GUCY2F: variants seen among roughly 807,000 people sequenced by gnomAD.
The protein encoded by GUCY2F is guanylate cyclase 2F, retinal, also known as retinal guanylyl cyclase 2.
A neutral mutation model predicts 73.1 loss-of-function variants in GUCY2F; 61 were observed. The observed-to-expected ratio is 0.83, with a 90% CI of 0.68 to 1.03. The LOEUF is 1.03. GUCY2F is among the 50% of genes least tolerant of loss of function. The pLI, the probability that GUCY2F is intolerant of heterozygous loss-of-function variation, is 0.00. For synonymous variants in GUCY2F, 331 were observed against 307.8 expected (o/e 1.08, Z -0.79); for missense variants, 912 against 854.3 (o/e 1.07, Z -0.84).
intron 8 of GUCY2F, among the ~76,000 whole-genome samples, chrX:109,421,502 A>G (rs989075242): frequency 3.6e-5 from 4 of 111,728 alleles, no homozygotes; most frequent in Non-Finnish European, 7.6e-5. Context: ...CACAAATACT[A>G]TATGATTACA....
intron 11 of GUCY2F, 89 bp from the exon 12 acceptor site, chrX:109,395,578 G>A (rs1267286881): frequency 1.9e-5 from 14 of 743,547 alleles, no homozygotes; most frequent in Admixed American, 4.9e-5. Context: ...GCCAAGAAGG[G>A]GGTAGGTTAG....
At position 109,392,103 on chromosome X, in the gene GUCY2F, T is replaced by C. The variant is rs142241116; in HGVS notation, c.2589A>G (p.Pro863=). Residue 863 remains proline (P), a splice_region_variant and synonymous_variant, in exon 14 of 20, where the codon CCA becomes CCG. Coordinates refer to ENST00000218006, the MANE Select transcript of GUCY2F (RefSeq NM_001522.3). The part of the protein sequence containing the change: ...TEKLLTQMLP[P]SVAESLKKGC... ...CCTTTTTGAGAGATTCAGCAACTGA[T>C]CTGAAAAGCAGACACAGCTATTCCT... is the stretch of plus-strand genomic sequence containing the variant. The C allele has an allele frequency of 8.4e-7, 1 of 1,187,387 alleles. No individual in the cohort carries two copies. The highest frequency in any genetic ancestry group is 1.8e-5 in the African/African-American group (1 of 56,593).
intron 8 of GUCY2F, among the ~76,000 whole-genome samples, chrX:109,411,453 C>G (rs1053995112): frequency 1.8e-5 from 2 of 111,117 alleles, no homozygotes; most frequent in African/African-American, 6.6e-5. Context: ...CATACTGTTG[C>G]TAGTTTCCAG....
chrX:109,476,955 A>C lies in GUCY2F; in HGVS notation c.-85-934T>G, dbSNP rs898881157. The stretch of plus-strand genomic sequence containing the variant: ...CAGACAAGGCAAGGGCCAGATCACC[A>C]AGATATGCCATGATTGAATACTGTA... On this transcript the variant is annotated intron_variant, in intron 1 of 19. Coordinates refer to ENST00000218006, the MANE Select transcript of GUCY2F (RefSeq NM_001522.3). 4.5e-5 allele frequency among the ~76,000 whole-genome samples: 5 copies of C among 110,895 alleles called. No homozygotes were observed. The Admixed American group carries it at 4.9e-4, about 11-fold the overall frequency.
chrX:109,476,168 CT>C, intron 1 of GUCY2F, 147 bp from the exon 2 acceptor site: 1 of 319,440 alleles, frequency 3.1e-6, no homozygotes, highest in South Asian at 7.6e-5. Context: ...AACTCCTCCT[CT>C]TCCTGTACCC....
chrX:109,418,955 A>T (rs1240300200), intron 8 of GUCY2F, among the ~76,000 whole-genome samples: 1 of 111,000 alleles, frequency 9.0e-6, no homozygotes, highest in Non-Finnish European at 1.9e-5. Flanking sequence ...TGATAAAGGA[A>T]TTTTTAAACA....
At position 109,388,518 on chromosome X, in the gene GUCY2F, G is replaced by A. The variant is rs201541871; in HGVS notation, c.2927C>T (p.Pro976Leu). The A allele has an allele frequency of 1.2e-5, 15 of 1,204,405 alleles. No individual in the cohort carries two copies. Among genetic ancestry groups the A allele is most frequent in the Admixed American group, 6.6e-5 (3 of 45,723 alleles). ...GTGAAGGCCAATTCGAATTCGGACC[G>A]GCACTTCTGGCATGTGCCGCATCTT... ...TFKMRHMPEV[P>L]VRIRIGLHSG... The change falls in exon 15 of 20, where the codon CCG becomes CTG. Residue 976 changes from proline (P) to leucine (L), a missense_variant. Physicochemically the swap from Pro to Leu is moderately conservative, Grantham distance 98. Transcript: ENST00000218006.
rs958365460 is a variant in GUCY2F at position 109,391,947 on chromosome X, G to C, written c.2745C>G (p.Leu915=). The change falls in exon 14 of 20, where the codon CTC becomes CTG. Residue 915 remains leucine (L), a synonymous_variant. Transcript: ENST00000218006. ...CATGACTGCCAATTATTGCATCAAA[G>C]AGTGTGTACAGGTCATTCAGAAGAT... ...VVDLLNDLYT[L]FDAIIGSHDV... 3.3e-6 allele frequency: 4 copies of C among 1,203,407 alleles called. No homozygotes were observed. The highest frequency in any genetic ancestry group is 1.8e-5 in the African/African-American group (1 of 56,903).
At chrX:109,375,475 G>T (rs1200326265) in intron 19 of GUCY2F, among the ~76,000 whole-genome samples, 3 of 111,763 alleles carry the variant, frequency 2.7e-5, no homozygotes, top group African/African-American at 9.7e-5. Flanking sequence ...CTCCAAGGTG[G>T]TCTTGTCAAC....
At chrX:109,401,073 G>A (rs1930828447) in intron 10 of GUCY2F, among the ~76,000 whole-genome samples, 1 of 111,945 alleles carries the variant, frequency 8.9e-6, no homozygotes. Flanking sequence ...GCACTTACAT[G>A]TATGTTGTTA....
chrX:109,393,533 T>C (rs1033927079), intron 12 of GUCY2F, among the ~76,000 whole-genome samples: 1 of 110,838 alleles, frequency 9.0e-6, no homozygotes, highest in African/African-American at 3.3e-5. Flanking sequence ...CAATGAGAGG[T>C]TCCTTGACCT....
chrX:109,406,609 A>G (rs903404344), intron 9 of GUCY2F, among the ~76,000 whole-genome samples: 26 of 110,938 alleles, frequency 2.3e-4, no homozygotes, highest in African/African-American at 8.2e-4. Flanking sequence ...TTGGGAAGGA[A>G]AGTGATATGG....
At chrX:109,386,025 C>T (rs1358386236) in intron 15 of GUCY2F, among the ~76,000 whole-genome samples, 1 of 110,993 alleles carries the variant, frequency 9.0e-6, no homozygotes, top group Non-Finnish European at 1.9e-5. Context: ...TGGTATCGAA[C>T]TCCTGAGCTC....
At chrX:109,439,495 G>A (rs1363832365) in intron 7 of GUCY2F, among the ~76,000 whole-genome samples, 1 of 110,021 alleles carries the variant, frequency 9.1e-6, no homozygotes, top group African/African-American at 3.3e-5. Context: ...TCTTCACATG[G>A]CAAGGCTGAG....
chrX:109,425,719 G>C (rs903007803), intron 8 of GUCY2F, among the ~76,000 whole-genome samples: 4 of 109,605 alleles, frequency 3.6e-5, no homozygotes, highest in Non-Finnish European at 7.6e-5. Context: ...TTAGGTGATG[G>C]GTGCACAAAA....
At chrX:109,471,592 C>A (rs113736739) in intron 2 of GUCY2F, among the ~76,000 whole-genome samples, 1 of 112,482 alleles carries the variant, frequency 8.9e-6, no homozygotes, top group Non-Finnish European at 1.9e-5. Context: ...CATAACCACA[C>A]ACAGCAGCCC....
intron 7 of GUCY2F, among the ~76,000 whole-genome samples, chrX:109,430,967 A>G (rs1931597383): frequency 9.0e-6 from 1 of 111,347 alleles, no homozygotes; most frequent in South Asian, 3.8e-4. Flanking sequence ...AATATTTTTT[A>G]TTTGAGTGCT....
chrX:109,431,220 T>C (rs58176973), intron 7 of GUCY2F, among the ~76,000 whole-genome samples: 3,696 of 111,474 alleles, frequency 0.033, 130 homozygotes, highest in African/African-American at 0.1. Flanking sequence ...AAAAAAAATA[T>C]CAATATAGAT....
chrX:109,403,836 G>A (rs1457190323), intron 10 of GUCY2F, among the ~76,000 whole-genome samples: 1 of 112,075 alleles, frequency 8.9e-6, no homozygotes, highest in Non-Finnish European at 1.9e-5. Flanking sequence ...TTGCTAGAAG[G>A]CCACAGTTCT....
Sources: gnomAD v4.1 joint callset for allele counts (sites outside exome capture counted in the v4.1 genomes callset) on GRCh38, gnomAD v4.1.1 for gene constraint, MANE v1.5 for transcripts, NCBI Gene and HGNC (gene_info 2026-07-23, HGNC 2026-07-21) for gene names.